The following THSD7A variants were observed in gnomAD, a reference collection of about 807,000 sequenced individuals.
The protein encoded by THSD7A is thrombospondin type 1 domain containing 7A.
In THSD7A, 96 loss-of-function variants were observed where a neutral mutation model predicts 231.3. The ratio of observed to expected loss-of-function variants is 0.41; its 90% CI spans 0.35 to 0.49. The LOEUF (loss-of-function observed/expected upper bound fraction) is 0.49, where lower values mean the gene tolerates loss of function less well. Among genes scored for constraint, THSD7A ranks in the 20% least tolerant of loss-of-function variants. THSD7A has a pLI of 0.05. For missense variants in THSD7A, 2,290 were observed against 2,070.2 expected (o/e 1.11, Z -2.06); for synonymous variants, 940 against 743.3 (o/e 1.26, Z -4.30).
intron 11 of THSD7A, among the ~76,000 whole-genome samples, chr7:11,456,002 T>G (rs1405322220): frequency 6.6e-6 from 1 of 152,012 alleles, no homozygotes; most frequent in African/African-American, 2.4e-5. Flanking sequence ...TAAAAGTAGG[T>G]GCAGGCCTAG....
chr7:11,717,241 C>T lies in THSD7A; in HGVS notation c.191-80280G>A, dbSNP rs1003068435. On this transcript the variant is annotated intron_variant, in intron 1 of 27. Transcript: ENST00000423059. ...CAGGCAGAGGTGGGTGTGTGAAAGA[C>T]GGCCTCCTCGCAGAGGCTAGACTCT... Among the ~76,000 whole-genome samples the T allele has an allele frequency of 2.0e-5, 3 of 151,692 alleles. No individual in the cohort carries two copies. In the East Asian group the frequency reaches 5.9e-4, roughly 30 times the overall value.
chr7:11,417,399 T>C (rs1783996293), intron 17 of THSD7A, 51 bp downstream of exon 17: 1 of 1,460,736 alleles, frequency 6.8e-7, no homozygotes, highest in South Asian at 1.4e-5. Flanking sequence ...AAAGCTTCAG[T>C]GGCAAATAAT....
At chr7:11,685,903 AG>A (rs1780034049) in intron 1 of THSD7A, among the ~76,000 whole-genome samples, 1 of 151,992 alleles carries the variant, frequency 6.6e-6, no homozygotes, top group African/African-American at 2.4e-5. Flanking sequence ...TCTTCCAAAA[AG>A]ACACTTGTTT....
chr7:11,566,965 T>TC lies in THSD7A; in HGVS notation c.1453+23494_1453+23495insG. On this transcript the variant is annotated intron_variant, in intron 4 of 27. Coordinates refer to ENST00000423059, the MANE Select transcript of THSD7A (RefSeq NM_015204.3). Reference sequence around the variant, plus strand: ...CAAAGTGGATCCAGCTGTGGGAGAGTGGGGGGGGGACTGACCAACAAAGTT... The same window carrying TC: ...CAAAGTGGATCCAGCTGTGGGAGAGTCGGGGGGGGGACTGACCAACAAAGTT... Among the ~76,000 whole-genome samples the TC allele has an allele frequency of 1.7e-4, 16 of 92,392 alleles. 1 individual carries two copies. The highest frequency in any genetic ancestry group is 5.5e-4 in the African/African-American group (10 of 18,074). The allele number at this position is 92,392 out of a possible 152,430, so 60.6% of individuals were successfully genotyped here.
chr7:11,388,640 AG>A (rs1256780751), intron 23 of THSD7A, among the ~76,000 whole-genome samples: 1 of 152,170 alleles, frequency 6.6e-6, no homozygotes, highest in Non-Finnish European at 1.5e-5. Context: ...TCAAAAAACC[AG>A]GTAATGGATT....
intron 9 of THSD7A, among the ~76,000 whole-genome samples, chr7:11,463,247 T>A (rs1186659085): frequency 1.3e-5 from 2 of 152,322 alleles, no homozygotes; most frequent in African/African-American, 2.4e-5. Flanking sequence ...ATATCCTTTC[T>A]CATTCAGTCA....
rs543755349 is a variant in THSD7A at position 11,778,282 on chromosome 7, A to G, written c.190+53475T>C. On this transcript the variant is annotated intron_variant, in intron 1 of 27. Transcript: ENST00000423059. ...TCACTAAGTGGATTCCTATTTCTAA[A>G]TGATAAAAAAATGATAAAAAACTTC... is the stretch of plus-strand genomic sequence containing the variant. Among the ~76,000 whole-genome samples, 218 of 25,088 alleles carry G rather than the reference A, an allele frequency of 8.7e-3. 1 individual carries two copies. The highest frequency in any genetic ancestry group is 0.062 in the African/African-American group (180 of 2,898). 16.5% of individuals were successfully genotyped at this position (25,088 alleles called of 152,430 possible).
At chr7:11,709,331 C>A (rs1780875347) in intron 1 of THSD7A, among the ~76,000 whole-genome samples, 1 of 150,562 alleles carries the variant, frequency 6.6e-6, no homozygotes, top group Non-Finnish European at 1.5e-5. Context: ...CAAGAAATAC[C>A]CTACTATACT....
At chr7:11,760,431 A>T (rs1217177384) in intron 1 of THSD7A, among the ~76,000 whole-genome samples, 1 of 151,906 alleles carries the variant, frequency 6.6e-6, no homozygotes, top group Non-Finnish European at 1.5e-5. Flanking sequence ...ATGGCAAGTA[A>T]GAATGGCTGT....
chr7:11,719,104 C>T (rs1781253077), intron 1 of THSD7A, among the ~76,000 whole-genome samples: 2 of 151,386 alleles, frequency 1.3e-5, no homozygotes, highest in South Asian at 4.1e-4. Flanking sequence ...CACAGAAGGC[C>T]AAGTGTCTCA....
At chr7:11,552,474 C>A (rs1298547505) in intron 4 of THSD7A, among the ~76,000 whole-genome samples, 2 of 151,858 alleles carry the variant, frequency 1.3e-5, no homozygotes, top group Admixed American at 1.3e-4. Flanking sequence ...GAATAATCAG[C>A]CACAAAATTT....
intron 1 of THSD7A, among the ~76,000 whole-genome samples, chr7:11,705,140 A>C (rs1470789471): frequency 6.6e-6 from 1 of 151,100 alleles, no homozygotes; most frequent in Non-Finnish European, 1.5e-5. Flanking sequence ...AGTATCTGTC[A>C]TTGTTAAACT....
chr7:11,691,978 CA>C (rs1269089717), intron 1 of THSD7A, among the ~76,000 whole-genome samples: 1 of 151,290 alleles, frequency 6.6e-6, no homozygotes, highest in Non-Finnish European at 1.5e-5. Flanking sequence ...AGCAGAGATA[CA>C]AAAGGAAATT....
intron 23 of THSD7A, among the ~76,000 whole-genome samples, chr7:11,396,605 C>A (rs954373591): frequency 6.6e-6 from 1 of 152,060 alleles, no homozygotes; most frequent in Non-Finnish European, 1.5e-5. Context: ...CTGAAGAGAC[C>A]AATAACAAGT....
chr7:11,718,998 G>C (rs1583220938), intron 1 of THSD7A, among the ~76,000 whole-genome samples: 1 of 151,620 alleles, frequency 6.6e-6, no homozygotes, highest in South Asian at 2.1e-4. Context: ...AAATTTTATA[G>C]CTGCCATTGA....
intron 1 of THSD7A, among the ~76,000 whole-genome samples, chr7:11,789,811 A>T (rs1029283524): frequency 6.6e-6 from 1 of 151,902 alleles, no homozygotes; most frequent in Non-Finnish European, 1.5e-5. Flanking sequence ...ATGCATCTGT[A>T]CTTTCCTTTT....
intron 1 of THSD7A, among the ~76,000 whole-genome samples, chr7:11,650,060 A>C (rs562179778): frequency 5.9e-5 from 9 of 152,096 alleles, no homozygotes; most frequent in Non-Finnish European, 1.0e-4. Flanking sequence ...ATTTCTTACC[A>C]ATGAGAATTG....
intron 4 of THSD7A, among the ~76,000 whole-genome samples, chr7:11,572,526 G>T (rs924714797): frequency 6.6e-6 from 1 of 151,732 alleles, no homozygotes; most frequent in East Asian, 1.9e-4. Flanking sequence ...TTTCTTTTTG[G>T]GGGGACAGGG....
At chr7:11,450,699 G>A (rs1470554535) in intron 11 of THSD7A, among the ~76,000 whole-genome samples, 2 of 151,978 alleles carry the variant, frequency 1.3e-5, no homozygotes, top group African/African-American at 2.4e-5. Context: ...CATACTAAGA[G>A]CACAGTTTCT....
Sources: gnomAD v4.1 joint callset for allele counts (sites outside exome capture counted in the v4.1 genomes callset) on GRCh38, gnomAD v4.1.1 for gene constraint, MANE v1.5 for transcripts, NCBI Gene and HGNC (gene_info 2026-07-23, HGNC 2026-07-21) for gene names.